PTPRR: variants seen among roughly 807,000 people sequenced by gnomAD.
The protein encoded by PTPRR is protein tyrosine phosphatase receptor type R, also known as receptor-type tyrosine-protein phosphatase R.
A neutral mutation model predicts 77.2 loss-of-function variants in PTPRR; 38 were observed. The observed-to-expected ratio is 0.49, with a 90% confidence interval of 0.38 to 0.65. The LOEUF is 0.65. Among genes scored for constraint, PTPRR ranks in the 30% least tolerant of loss-of-function variants. The pLI, the probability that PTPRR is intolerant of heterozygous loss-of-function variation, is 0.00. For synonymous variants in PTPRR, 299 were observed against 283.1 expected (o/e 1.06, Z -0.57); for missense variants, 744 against 799.2 (o/e 0.93, Z 0.83).
chr12:70,809,742 G>A (rs974310142), intron 2 of PTPRR, among the ~76,000 whole-genome samples: 2 of 152,096 alleles, frequency 1.3e-5, no homozygotes, highest in Non-Finnish European at 2.9e-5. Flanking sequence ...CTCAATAAAT[G>A]CTAAATTGAT....
intron 5 of PTPRR, among the ~76,000 whole-genome samples, chr12:70,747,471 C>T (rs368889405): frequency 3.3e-5 from 5 of 152,152 alleles, no homozygotes; most frequent in African/African-American, 1.2e-4. Flanking sequence ...CATTTGCTTG[C>T]CTGTTTACAC....
intron 8 of PTPRR, among the ~76,000 whole-genome samples, chr12:70,687,516 T>C (rs1447938112): frequency 6.6e-6 from 1 of 151,988 alleles, no homozygotes; most frequent in African/African-American, 2.4e-5. Context: ...GATCATGCCA[T>C]ATGGAAGCAA....
intron 6 of PTPRR, among the ~76,000 whole-genome samples, chr12:70,705,378 C>A (rs570081344): frequency 2.6e-5 from 4 of 152,074 alleles, no homozygotes; most frequent in Middle Eastern, 3.2e-3. Context: ...GAAGAAAGGG[C>A]TAAAATTTCT....
intron 7 of PTPRR, among the ~76,000 whole-genome samples, chr12:70,700,717 C>T (rs1363090565): frequency 6.6e-6 from 1 of 152,170 alleles, no homozygotes; most frequent in Admixed American, 6.6e-5. Flanking sequence ...CTATCCAAAA[C>T]ATAAGATAAA....
At chr12:70,763,985 A>G (rs932700161) in intron 3 of PTPRR, among the ~76,000 whole-genome samples, 2 of 150,808 alleles carry the variant, frequency 1.3e-5, no homozygotes, top group East Asian at 1.9e-4. Context: ...ACTGGGCCCT[A>G]TACAACAGAT....
rs113738571 is a variant in PTPRR at position 70,761,726 on chromosome 12, C to T, written c.472-100G>A. On this transcript the variant is annotated intron_variant, in intron 3 of 13. Transcript: ENST00000283228. ...AGAAACATTAAAGGAAGTCAGAATT[C>T]TAGAATCCTAAAAGGCTTTGTGGAG... is the stretch of plus-strand genomic sequence containing the variant. The T allele has an allele frequency of 9.0e-3, 8,400 of 931,518 alleles. 48 individuals are homozygous for T. The highest frequency in any genetic ancestry group is 0.015 in the South Asian group (500 of 34,220). 57.7% of individuals were successfully genotyped at this position (931,518 alleles called of 1,614,324 possible).
At chr12:70,718,531 T>C (rs1889122298) in intron 6 of PTPRR, among the ~76,000 whole-genome samples, 2 of 152,146 alleles carry the variant, frequency 1.3e-5, no homozygotes, top group South Asian at 2.1e-4. Flanking sequence ...CCCAAAATGC[T>C]GGGATTACAG....
chr12:70,720,839 G>T (rs1225523657), intron 6 of PTPRR, among the ~76,000 whole-genome samples: 2 of 151,950 alleles, frequency 1.3e-5, no homozygotes, highest in African/African-American at 2.4e-5. Flanking sequence ...TCCTATATTT[G>T]AATATGCTTG....
intron 2 of PTPRR, among the ~76,000 whole-genome samples, chr12:70,825,937 C>G (rs1311212046): frequency 6.6e-6 from 1 of 152,188 alleles, no homozygotes; most frequent in Non-Finnish European, 1.5e-5. Flanking sequence ...TATCACAACT[C>G]TTTTTATAAC....
chr12:70,902,633 G>A (rs1893556601), intron 1 of PTPRR, among the ~76,000 whole-genome samples: 1 of 151,824 alleles, frequency 6.6e-6, no homozygotes, highest in Non-Finnish European at 1.5e-5. Flanking sequence ...GTAACTTCAG[G>A]AATGGAAAAC....
intron 2 of PTPRR, among the ~76,000 whole-genome samples, chr12:70,858,418 T>C (rs1051414933): frequency 2.0e-5 from 3 of 152,116 alleles, no homozygotes; most frequent in African/African-American, 7.2e-5. Context: ...AAGAGAAGTG[T>C]GATCTACCTA....
chr12:70,784,123 G>A (rs939578317), intron 2 of PTPRR, among the ~76,000 whole-genome samples: 10 of 152,184 alleles, frequency 6.6e-5, no homozygotes, highest in African/African-American at 2.2e-4. Flanking sequence ...GCTCGGTGGA[G>A]CGGGAGGCCT....
At chr12:70,804,139 C>CTGTGTGTGTGTGTGTG (rs58442488) in intron 2 of PTPRR, among the ~76,000 whole-genome samples, 4,575 of 137,204 alleles carry the variant, frequency 0.033, 110 homozygotes, top group Non-Finnish European at 0.045. Context: ...GTTCCTGGCT[C>CTGTGTGTGTGTGTGTG]TGTGTGTGTG....
intron 2 of PTPRR, among the ~76,000 whole-genome samples, chr12:70,860,951 T>G (rs1215749593): frequency 6.6e-6 from 1 of 152,160 alleles, no homozygotes; most frequent in African/African-American, 2.4e-5. Flanking sequence ...TTTAAATTGT[T>G]TTCTAGAACT....
intron 2 of PTPRR, among the ~76,000 whole-genome samples, chr12:70,820,745 T>C (rs1387798168): frequency 1.3e-5 from 2 of 152,232 alleles, no homozygotes; most frequent in Non-Finnish European, 2.9e-5. Context: ...TGGTATCTTA[T>C]CACTTTCATT....
chr12:70,688,209 T>A (rs1243648378), intron 8 of PTPRR, among the ~76,000 whole-genome samples: 1 of 152,116 alleles, frequency 6.6e-6, no homozygotes, highest in East Asian at 1.9e-4. Flanking sequence ...GAAAGCACAA[T>A]GAAAGCAAAA....
At chr12:70,777,397 T>G (rs1003711314) in intron 2 of PTPRR, among the ~76,000 whole-genome samples, 1 of 152,146 alleles carries the variant, frequency 6.6e-6, no homozygotes, top group Non-Finnish European at 1.5e-5. Flanking sequence ...TAACATAAAA[T>G]AAGGCATGAA....
chr12:70,675,586 T>A (rs553029504), intron 10 of PTPRR, among the ~76,000 whole-genome samples: 2 of 152,172 alleles, frequency 1.3e-5, no homozygotes, highest in South Asian at 4.1e-4. Context: ...ACTATCATTA[T>A]CCAGTATTTT....
intron 6 of PTPRR, among the ~76,000 whole-genome samples, chr12:70,720,483 A>G (rs1473211543): frequency 1.3e-5 from 2 of 150,940 alleles, no homozygotes; most frequent in Non-Finnish European, 3.0e-5. Context: ...CTCTCTATGT[A>G]GAGGTATTGC....
Sources: gnomAD v4.1 joint callset for allele counts (sites outside exome capture counted in the v4.1 genomes callset) on GRCh38, gnomAD v4.1.1 for gene constraint, MANE v1.5 for transcripts, NCBI Gene and HGNC (gene_info 2026-07-23, HGNC 2026-07-21) for gene names.